The following LRGUK variants were observed in gnomAD, a reference collection of about 807,000 sequenced individuals.
LRGUK encodes the protein leucine-rich repeat and guanylate kinase domain-containing protein.
In LRGUK, 65 loss-of-function variants were observed where a neutral mutation model predicts 76.0. The ratio of observed to expected loss-of-function variants is 0.85; its 90% CI spans 0.70 to 1.05. The LOEUF is 1.05. Ranked by LOEUF, LRGUK falls within the 50% of genes least tolerant of loss-of-function variation. The pLI, the probability that LRGUK is intolerant of heterozygous loss-of-function variation, is 0.00. For synonymous variants in LRGUK, 268 were observed against 265.6 expected (o/e 1.01, Z -0.09); for missense variants, 758 against 732.8 (o/e 1.03, Z -0.40).
chr7:134,177,095 G>A, intron 9 of LRGUK, 32 bp downstream of exon 9: 1 of 1,382,268 alleles, frequency 7.2e-7, no homozygotes, highest in South Asian at 1.2e-5. Context: ...TTACCATTGT[G>A]TTATTGGGTT....
At chr7:134,179,100 G>T (rs1799628885) in intron 10 of LRGUK, among the ~76,000 whole-genome samples, 1 of 151,920 alleles carries the variant, frequency 6.6e-6, no homozygotes, top group Non-Finnish European at 1.5e-5. Flanking sequence ...CACATTATTA[G>T]GGAGTCCCTT....
At chr7:134,275,840 A>G in the LRGUK span, among the ~76,000 whole-genome samples, 2 of 152,236 alleles carry the variant, frequency 1.3e-5, no homozygotes, top group Non-Finnish European at 2.9e-5. Context: ...ATTTGAGAAT[A>G]TTTAGTAGTA....
At chr7:134,178,988 C>T (rs1175774762) in intron 10 of LRGUK, among the ~76,000 whole-genome samples, 1 of 138,426 alleles carries the variant, frequency 7.2e-6, no homozygotes, top group Non-Finnish European at 1.5e-5. Flanking sequence ...AAACACAGAC[C>T]TTAACCTTAA....
At chr7:134,147,658 C>T (rs985801633) in intron 4 of LRGUK, among the ~76,000 whole-genome samples, 4 of 152,018 alleles carry the variant, frequency 2.6e-5, no homozygotes, top group Admixed American at 1.3e-4. Context: ...AAGTGGAGAG[C>T]GTGGCTGCAG....
the LRGUK span, among the ~76,000 whole-genome samples, chr7:134,271,162 A>T: frequency 6.6e-6 from 1 of 151,904 alleles, no homozygotes; most frequent in Non-Finnish European, 1.5e-5. Context: ...TTGAGTTATT[A>T]TCTTTTTCTT....
chr7:134,218,732 T>C (rs1368232021), intron 15 of LRGUK, among the ~76,000 whole-genome samples: 1 of 152,234 alleles, frequency 6.6e-6, no homozygotes, highest in African/African-American at 2.4e-5. Flanking sequence ...TGGCCTCTAC[T>C]GCTTTTGTTG....
intron 15 of LRGUK, among the ~76,000 whole-genome samples, chr7:134,206,128 G>T (rs1800993749): frequency 1.3e-5 from 2 of 152,192 alleles, no homozygotes; most frequent in South Asian, 2.1e-4. Context: ...CTAATGGGTG[G>T]ATTAATTGAA....
In LRGUK at chr7:134,242,856, C is replaced by T. The variant is rs192604131; in HGVS notation, c.1984-4700C>T. 1.2e-4 allele frequency among the ~76,000 whole-genome samples: 19 copies of T among 152,170 alleles called. No homozygotes were observed. The East Asian group carries it at 2.3e-3, about 19-fold the overall frequency. ...AGCACCTCATAAAGCTTATCCACCA[C>T]GATCAAGTTGGCTTCATCCCTGGGA... On this transcript the variant is annotated intron_variant, in intron 16 of 19. Coordinates refer to the LRGUK transcript ENST00000285928.
chr7:134,204,639 T>C (rs1800926891), intron 15 of LRGUK, among the ~76,000 whole-genome samples: 1 of 152,250 alleles, frequency 6.6e-6, no homozygotes, highest in Non-Finnish European at 1.5e-5. Context: ...AGTTACTTTT[T>C]CTACTTGTGG....
exon 1 of LRGUK, chr7:134,127,608 G>A (rs1422009630): frequency 6.2e-7 from 1 of 1,614,052 alleles, no homozygotes; most frequent in African/African-American, 1.3e-5. Flanking sequence ...TGAGGACCAG[G>A]GCGAGGGCGA....
At chr7:134,127,398 A>T (rs1218253947) in exon 1 of LRGUK, 1 of 1,613,328 alleles carries the variant, frequency 6.2e-7, no homozygotes, top group East Asian at 2.2e-5. Context: ...TCTCCTGAGG[A>T]CCAGAGCTGC....
At chr7:134,153,177 T>C (rs1292581214) in intron 5 of LRGUK, among the ~76,000 whole-genome samples, 1 of 152,024 alleles carries the variant, frequency 6.6e-6, no homozygotes, top group Non-Finnish European at 1.5e-5. Flanking sequence ...AACCTGAAAA[T>C]TATAAATTAA....
chr7:134,150,479 CAAAAA>C (rs11403705), intron 5 of LRGUK, among the ~76,000 whole-genome samples: 1 of 134,574 alleles, frequency 7.4e-6, no homozygotes. Context: ...AACAAGCAAA[CAAAAA>C]AAAAAAAAAA....
At chr7:134,246,250 A>C (rs765441022) in intron 16 of LRGUK, among the ~76,000 whole-genome samples, 1 of 152,216 alleles carries the variant, frequency 6.6e-6, no homozygotes, top group East Asian at 1.9e-4. Context: ...TTGTACATTA[A>C]AGTGGTTTGT....
At chr7:134,254,635 T>C (rs770622525) in intron 18 of LRGUK, among the ~76,000 whole-genome samples, 6 of 152,192 alleles carry the variant, frequency 3.9e-5, no homozygotes, top group African/African-American at 1.4e-4. Context: ...CGCCTCCTAA[T>C]GTCATTACCT....
intron 10 of LRGUK, among the ~76,000 whole-genome samples, chr7:134,179,581 C>T (rs934730368): frequency 6.6e-6 from 1 of 152,182 alleles, no homozygotes; most frequent in Non-Finnish European, 1.5e-5. Flanking sequence ...TGGAAAAGCA[C>T]ATTTGATTCA....
intron 16 of LRGUK, among the ~76,000 whole-genome samples, chr7:134,231,586 CCCTTCCTCCCTT>C (rs1298975928): frequency 8.4e-6 from 1 of 119,276 alleles, no homozygotes; most frequent in Non-Finnish European, 1.7e-5. Context: ...CGTTCTCCCT[CCCTTCCTCCCTT>C]CCTTCCTCCC....
chr7:134,174,662 G>A, intron 8 of LRGUK, 26 bp downstream of exon 8: 2 of 1,343,476 alleles, frequency 1.5e-6, no homozygotes, highest in East Asian at 4.6e-5. Context: ...TATCAGGGAG[G>A]GAGACAGAGA....
chr7:134,273,711 G>A, the LRGUK span, among the ~76,000 whole-genome samples: 1 of 151,922 alleles, frequency 6.6e-6, no homozygotes, highest in Admixed American at 6.6e-5. Context: ...TTACTAATTT[G>A]TTTGTTGAAA....
Sources: allele counts gnomAD v4.1 joint callset (sites outside exome capture counted in the v4.1 genomes callset), GRCh38; gene constraint gnomAD v4.1.1; transcripts MANE v1.5; gene names NCBI Gene and HGNC (gene_info 2026-07-23, HGNC 2026-07-21).